Variants in SYNE2 observed in about 807,000 individuals in gnomAD.
SYNE2 encodes the protein nesprin-2.
A neutral mutation model predicts 856.3 loss-of-function variants in SYNE2; 431 were observed. The ratio of observed to expected loss-of-function variants is 0.50; its 90% CI spans 0.47 to 0.55. The LOEUF is 0.55. SYNE2 is among the 20% of genes least tolerant of loss of function. SYNE2 has a pLI of 0.00. For synonymous variants in SYNE2, 2,923 were observed against 2,872.3 expected, an observed-to-expected ratio of 1.02 and a Z score of -0.56; for missense variants, 8,129 against 8,023.2, an observed-to-expected ratio of 1.01 and a Z score of -0.50.
Position 63,841,725 on chromosome 14 carries a change from A to G in SYNE2, c.-304-10776A>G, listed in dbSNP as rs78472104. On this transcript the variant is annotated intron_variant, in intron 1 of 23. Transcript: ENST00000674003. ...TGATATTTCTGTTTGGTTTTTATTC[A>G]GATTTCTCTTATGAAGTTGAATGTC... Among the ~76,000 whole-genome samples, 18 of 152,236 alleles carry G rather than the reference A, an allele frequency of 1.2e-4. No homozygotes were observed. The East Asian group carries it at 3.5e-3, about 29-fold the overall frequency.
intron 85 of SYNE2, among the ~76,000 whole-genome samples, chr14:64,154,173 A>C (rs2153706167): frequency 6.6e-6 from 1 of 151,858 alleles, no homozygotes; most frequent in Non-Finnish European, 1.5e-5. Context: ...TGTATTAAAA[A>C]AAAAAAAAAA....
At chr14:64,141,018 A>G (rs190900238) in intron 80 of SYNE2, among the ~76,000 whole-genome samples, 8 of 152,210 alleles carry the variant, frequency 5.3e-5, no homozygotes, top group Middle Eastern at 3.4e-3. Context: ...TTAATTACAA[A>G]CTTGTTGCAA....
intron 1 of SYNE2, among the ~76,000 whole-genome samples, chr14:63,834,122 AATATTTAAGG>A (rs1460053778): frequency 2.0e-5 from 3 of 152,208 alleles, no homozygotes; most frequent in African/African-American, 7.2e-5. Flanking sequence ...TATAGCAAAG[AATATTTAAGG>A]AACTCTTCTG....
rs78096513 is a variant in SYNE2, at chr14:64,015,495, A to G, written c.4729-978A>G. Among the ~76,000 whole-genome samples the G allele has an allele frequency of 2.3e-3, 352 of 152,124 alleles. 5 individuals carry two copies. The highest frequency in any genetic ancestry group is 0.015 in the South Asian group (74 of 4,822). ...GTGTGTAAAGTTATTTGTAGCATTA[A>G]CTTATTATCTGCTTGATGTCTGTAG... On this transcript the variant is annotated intron_variant, in intron 32 of 115. Transcript: ENST00000555002.
At chr14:64,184,583 A>G (rs993012909) in intron 96 of SYNE2, among the ~76,000 whole-genome samples, 7 of 152,174 alleles carry the variant, frequency 4.6e-5, no homozygotes, top group Non-Finnish European at 1.0e-4. Flanking sequence ...CCTGACTGGG[A>G]AACTCTGTTT....
intron 70 of SYNE2, among the ~76,000 whole-genome samples, chr14:64,123,891 CTTT>C (rs751630524): frequency 3.6e-5 from 5 of 140,472 alleles, no homozygotes; most frequent in Admixed American, 7.2e-5. Context: ...CACACACCAC[CTTT>C]TTTTTTTTTT....
At chr14:63,915,409 G>A (rs1387592392) in intron 2 of SYNE2, among the ~76,000 whole-genome samples, 1 of 152,096 alleles carries the variant, frequency 6.6e-6, no homozygotes, top group African/African-American at 2.4e-5. Flanking sequence ...GGTCATAAAG[G>A]ACATATGAAT....
chr14:63,880,459 C>T (rs1382839521), intron 1 of SYNE2, among the ~76,000 whole-genome samples: 1 of 151,972 alleles, frequency 6.6e-6, no homozygotes, highest in African/African-American at 2.4e-5. Context: ...AGCAATAATG[C>T]TGTAAGACTT....
Position 64,215,314 on chromosome 14 carries a change from A to T in SYNE2, c.19362A>T (p.Ala6454=), listed in dbSNP as rs947453550. The change falls in exon 107 of 116, where the codon GCA becomes GCT. Residue 6454 remains alanine, a synonymous_variant. Transcript: ENST00000555002. The part of the protein sequence containing the change: ...SDVEIPENPE[A]YLKMTTKTLK... ...TAGAAATCCCTGAAAATCCTGAGGCATATCTTAAAATGACCACAAAAACTT... is the reference window on the plus strand; with the variant it reads ...TAGAAATCCCTGAAAATCCTGAGGCTTATCTTAAAATGACCACAAAAACTT... 2 of 1,614,196 alleles carry T rather than the reference A, an allele frequency of 1.2e-6. No individual in the cohort carries two copies. The highest frequency in any genetic ancestry group is 2.2e-5 in the South Asian group (2 of 91,086).
intron 1 of SYNE2, among the ~76,000 whole-genome samples, chr14:63,820,810 C>G (rs1165332746): frequency 6.6e-6 from 1 of 150,550 alleles, no homozygotes; most frequent in African/African-American, 2.4e-5. Context: ...AGTGCAGCAG[C>G]ACAGTCTCCT....
chr14:63,867,399 G>A (rs4027516), intron 1 of SYNE2, among the ~76,000 whole-genome samples: 65,895 of 127,256 alleles, frequency 0.52, 17,375 homozygotes, highest in South Asian at 0.64. Context: ...AAAAAAAAAA[G>A]AGAGAGAGAG....
chr14:63,855,696 T>C (rs1360499164), intron 1 of SYNE2, among the ~76,000 whole-genome samples: 1 of 152,220 alleles, frequency 6.6e-6, no homozygotes, highest in Non-Finnish European at 1.5e-5. Flanking sequence ...AGTTGTTATT[T>C]TTCCTCCGTA....
intron 10 of SYNE2, 47 bp from the exon 11 acceptor site, chr14:63,967,662 A>G (rs756409044): frequency 6.3e-7 from 1 of 1,583,810 alleles, no homozygotes; most frequent in Non-Finnish European, 8.6e-7. Flanking sequence ...ATATGATATA[A>G]ATGGAATTAA....
intron 114 of SYNE2, 38 bp from the exon 115 acceptor site, chr14:64,224,961 G>C (rs375457689): frequency 4.4e-6 from 7 of 1,589,026 alleles, no homozygotes; most frequent in Non-Finnish European, 6.0e-6. Context: ...GGACTAAACT[G>C]TCTTCAACTT....
chr14:63,872,617 G>A (rs377052192), intron 1 of SYNE2, among the ~76,000 whole-genome samples: 3 of 151,604 alleles, frequency 2.0e-5, no homozygotes, highest in Non-Finnish European at 2.9e-5. Context: ...TTAGCCGCAC[G>A]TGGTGGTGGT....
intron 97 of SYNE2, among the ~76,000 whole-genome samples, chr14:64,188,127 T>G (rs531832834): frequency 6.6e-6 from 1 of 152,336 alleles, no homozygotes; most frequent in South Asian, 2.1e-4. Flanking sequence ...TTATAAATGT[T>G]TGATTGACAT....
At chr14:64,176,181 A>G (rs769346906) in intron 95 of SYNE2, among the ~76,000 whole-genome samples, 34 of 152,202 alleles carry the variant, frequency 2.2e-4, no homozygotes, top group Admixed American at 2.2e-3. Context: ...AACTTCAGGA[A>G]AGAAGTTTAT....
At chr14:64,034,021 CATT>C (rs1340734956) in intron 45 of SYNE2, among the ~76,000 whole-genome samples, 1 of 152,090 alleles carries the variant, frequency 6.6e-6, no homozygotes, top group Non-Finnish European at 1.5e-5. Context: ...TATTATATAA[CATT>C]AGTCTATTAA....
intron 2 of SYNE2, among the ~76,000 whole-genome samples, chr14:63,924,832 GTGTTTTTT>G (rs1449194406): frequency 0.15 from 13,857 of 92,130 alleles, 2,158 homozygotes; most frequent in Middle Eastern, 0.21. Flanking sequence ...TCCAGCCTTG[GTGTTTTTT>G]TTTTTTTTTT....
Sources: allele counts gnomAD v4.1 joint callset (sites outside exome capture counted in the v4.1 genomes callset), GRCh38; gene constraint gnomAD v4.1.1; transcripts MANE v1.5; gene names NCBI Gene and HGNC (gene_info 2026-07-23, HGNC 2026-07-21).